Variants in TSHZ2 observed in about 807,000 individuals in gnomAD.
The protein encoded by TSHZ2 is teashirt zinc finger homeobox 2.
In TSHZ2, 21 loss-of-function variants were observed where a neutral mutation model predicts 74.4. The observed-to-expected ratio is 0.28, with a 90% CI of 0.20 to 0.41. The LOEUF (loss-of-function observed/expected upper bound fraction) is 0.41. Ranked by LOEUF, TSHZ2 falls within the 10% of genes least tolerant of loss-of-function variation. The pLI, the probability that TSHZ2 is intolerant of heterozygous loss-of-function variation, is 1.00. For synonymous variants in TSHZ2, 540 were observed against 515.3 expected (o/e 1.05, Z -0.65); for missense variants, 1,244 against 1,293.5 (o/e 0.96, Z 0.59).
intron 2 of TSHZ2, among the ~76,000 whole-genome samples, chr20:53,296,898 C>T (rs1373800543): frequency 6.6e-6 from 1 of 152,182 alleles, no homozygotes; most frequent in East Asian, 1.9e-4. Flanking sequence ...TTGGAGTCTG[C>T]TTATGCTGCA....
intron 2 of TSHZ2, among the ~76,000 whole-genome samples, chr20:53,468,219 T>A (rs908396343): frequency 1.3e-5 from 2 of 152,162 alleles, no homozygotes; most frequent in African/African-American, 4.8e-5. Context: ...TACCTTTGAT[T>A]ATAATTAGGG....
chr20:53,263,887 G>A (rs567051314), intron 2 of TSHZ2, among the ~76,000 whole-genome samples: 2 of 152,320 alleles, frequency 1.3e-5, no homozygotes, highest in South Asian at 2.1e-4. Flanking sequence ...TCAGAGGAGG[G>A]GGGCAGGCTG....
intron 1 of TSHZ2, among the ~76,000 whole-genome samples, chr20:53,108,614 A>G (rs1986446768): frequency 6.6e-6 from 1 of 151,096 alleles, no homozygotes; most frequent in Admixed American, 6.6e-5. Context: ...AGGGTTCCAT[A>G]TGGCTCCAAT....
chr20:53,447,900 A>G (rs1984615403), intron 2 of TSHZ2, among the ~76,000 whole-genome samples: 1 of 146,480 alleles, frequency 6.8e-6, no homozygotes, highest in Non-Finnish European at 1.5e-5. Flanking sequence ...GAGTATTGCC[A>G]GGGAAGAAGA....
At position 52,973,088 on chromosome 20, in the gene TSHZ2, A is replaced by AC. The variant is rs1287473134; in HGVS notation, c.-203dup. ...TACTTCAAAGCAGCCGGCACAAGCC[A>AC]CCCGTGTCTGCCACCCAGAGAGGGG... On this transcript the variant is annotated 5_prime_UTR_variant, in exon 1 of 3. It introduces an in-frame stop codon into an upstream open reading frame of the 5' UTR. Coordinates refer to ENST00000371497, the MANE Select transcript of TSHZ2 (RefSeq NM_173485.6). The AC allele has an allele frequency of 1.6e-5, 9 of 557,450 alleles. No individual in the cohort carries two copies. The highest frequency in any genetic ancestry group is 2.8e-5 in the Non-Finnish European group (9 of 318,250). 34.5% of individuals were successfully genotyped at this position (557,450 alleles called of 1,614,324 possible).
At chr20:53,486,213 G>A (rs1986286207) in intron 2 of TSHZ2, among the ~76,000 whole-genome samples, 1 of 152,082 alleles carries the variant, frequency 6.6e-6, no homozygotes, top group African/African-American at 2.4e-5. Flanking sequence ...CATCCATGTT[G>A]TAGAACGTGT....
intron 1 of TSHZ2, among the ~76,000 whole-genome samples, chr20:53,037,015 T>C (rs1358733454): frequency 1.3e-5 from 2 of 152,132 alleles, no homozygotes; most frequent in African/African-American, 4.8e-5. Context: ...TATTTAATTA[T>C]GGTATTAGTG....
Position 53,176,954 on chromosome 20 carries a change from G to A in TSHZ2, c.41-76545G>A, listed in dbSNP as rs193131641. Among the ~76,000 whole-genome samples, 410 of 151,868 alleles carry A rather than the reference G, an allele frequency of 2.7e-3. 2 individuals carry two copies. Among genetic ancestry groups the A allele is most frequent in the Middle Eastern group, 0.014 (4 of 290 alleles). On this transcript the variant is annotated intron_variant, in intron 1 of 2. Transcript: ENST00000371497. The stretch of plus-strand genomic sequence containing the variant: ...CCCGCTTCGGCCTCCCAAAGTGCTG[G>A]GATTACAGGCACGAGCCATCGCACC...
chr20:53,321,555 A>AT lies in TSHZ2; in HGVS notation c.*8+64985dup, dbSNP rs556896790. 3.5e-3 allele frequency among the ~76,000 whole-genome samples: 534 copies of AT among 151,980 alleles called. 3 individuals carry two copies. Among genetic ancestry groups the AT allele is most frequent in the African/African-American group, 0.012 (505 of 41,458 alleles). On this transcript the variant is annotated intron_variant, in intron 2 of 2. Transcript: ENST00000371497. ...AAAAATTAGCCAGGCATGGTGGCAC[A>AT]TGCCTGTAATCCCAGCTACTTGGGA...
intron 2 of TSHZ2, among the ~76,000 whole-genome samples, chr20:53,292,895 AGAT>A (rs1568855433): frequency 5.3e-5 from 8 of 152,352 alleles, no homozygotes; most frequent in African/African-American, 1.9e-4. Context: ...AGCAAGGCTC[AGAT>A]AAAAGTCACA....
At chr20:53,257,766 C>T (rs945949646) in intron 2 of TSHZ2, among the ~76,000 whole-genome samples, 2 of 152,186 alleles carry the variant, frequency 1.3e-5, no homozygotes, top group African/African-American at 2.4e-5. Context: ...ATCCAGTTGA[C>T]GTCATGTTAA....
At chr20:53,125,558 T>G (rs527598966) in intron 1 of TSHZ2, among the ~76,000 whole-genome samples, 1 of 152,138 alleles carries the variant, frequency 6.6e-6, no homozygotes, top group Non-Finnish European at 1.5e-5. Flanking sequence ...GCTTCCTACC[T>G]CAGGCTCTTT....
chr20:53,183,742 C>T (rs1568800087), intron 1 of TSHZ2, among the ~76,000 whole-genome samples: 3 of 152,170 alleles, frequency 2.0e-5, no homozygotes, highest in Admixed American at 6.5e-5. Flanking sequence ...AAGCCACTGC[C>T]ACTGCCTTGT....
chr20:53,262,911 G>C (rs977454882), intron 2 of TSHZ2, among the ~76,000 whole-genome samples: 1 of 152,176 alleles, frequency 6.6e-6, no homozygotes, highest in East Asian at 1.9e-4. Flanking sequence ...TCACATTTGG[G>C]GGTTTTACAG....
intron 2 of TSHZ2, among the ~76,000 whole-genome samples, chr20:53,349,306 A>G (rs2145583129): frequency 6.6e-6 from 1 of 152,310 alleles, no homozygotes; most frequent in South Asian, 2.1e-4. Flanking sequence ...CACATAGCAA[A>G]GTCTTTTAGG....
intron 1 of TSHZ2, among the ~76,000 whole-genome samples, chr20:52,993,827 T>G (rs1982075498): frequency 6.6e-6 from 1 of 152,226 alleles, no homozygotes; most frequent in Non-Finnish European, 1.5e-5. Context: ...ATTTGTGGAT[T>G]GAGATGTTTT....
intron 1 of TSHZ2, among the ~76,000 whole-genome samples, chr20:53,215,042 G>A (rs528361706): frequency 3.9e-5 from 6 of 152,312 alleles, no homozygotes; most frequent in African/African-American, 7.2e-5. Flanking sequence ...ACCAGTGGGC[G>A]GGACCCATAG....
At chr20:53,303,714 A>T (rs969366069) in intron 2 of TSHZ2, among the ~76,000 whole-genome samples, 1 of 152,240 alleles carries the variant, frequency 6.6e-6, no homozygotes, top group Non-Finnish European at 1.5e-5. Flanking sequence ...TTGTATGTCT[A>T]TGGACAAGAG....
intron 1 of TSHZ2, among the ~76,000 whole-genome samples, chr20:53,165,093 G>GTGGA (rs536305001): frequency 0.029 from 4,408 of 151,926 alleles, 190 homozygotes; most frequent in African/African-American, 0.097. Context: ...GGATGGAAGG[G>GTGGA]TGGATGGATG....
Sources: allele counts gnomAD v4.1 joint callset (sites outside exome capture counted in the v4.1 genomes callset), GRCh38; gene constraint gnomAD v4.1.1; transcripts MANE v1.5; gene names NCBI Gene and HGNC (gene_info 2026-07-23, HGNC 2026-07-21).